The following P2RX7 variants were observed in gnomAD, a reference collection of about 807,000 sequenced individuals.
P2RX7 encodes the protein purinergic receptor P2X 7, also known as P2X purinoceptor 7.
A neutral mutation model predicts 71.6 loss-of-function variants in P2RX7; 62 were observed. That is an observed-to-expected ratio of 0.87 (90% CI 0.71 to 1.07). P2RX7 has a LOEUF of 1.07. P2RX7 is among the 50% of genes least tolerant of loss of function. The probability of loss-of-function intolerance (pLI) is 0.00; values close to 1 mark genes in which losing one functional copy is unlikely to be tolerated. For synonymous variants in P2RX7, 299 were observed against 283.3 expected (o/e 1.06, Z -0.56); for missense variants, 686 against 748.5 (o/e 0.92, Z 0.97).
At chr12:121,158,883 C>T (rs1879096364) in intron 3 of P2RX7, among the ~76,000 whole-genome samples, 1 of 152,092 alleles carries the variant, frequency 6.6e-6, no homozygotes, top group South Asian at 2.1e-4. Flanking sequence ...CTATCAAGAC[C>T]TACTATTTGC....
At chr12:121,175,954 G>A (rs1199973567) in intron 9 of P2RX7, among the ~76,000 whole-genome samples, 1 of 151,952 alleles carries the variant, frequency 6.6e-6, no homozygotes, top group Non-Finnish European at 1.5e-5. Context: ...CGTCCTCCTT[G>A]GTCTTGGCAG....
chr12:121,168,260 G>GTTTTCTTTTCTTTTCTTTTCTTTTC lies in P2RX7; in HGVS notation c.881+660_881+661insCTTTTCTTTTCTTTTCTTTTCTTTT, dbSNP rs372601410. Among the ~76,000 whole-genome samples, 55 of 147,444 alleles carry GTTTTCTTTTCTTTTCTTTTCTTTTC rather than the reference G, an allele frequency of 3.7e-4. 1 individual carries two copies. The highest frequency in any genetic ancestry group is 1.4e-3 in the African/African-American group (54 of 39,738). ...TAACAACTGCTACAATTCAGGCAGT[G>GTTTTCTTTTCTTTTCTTTTCTTTTC]TTTTCTTTTCTTTTCTTTTCTTTTT... On this transcript the variant is annotated intron_variant, in intron 8 of 12. Transcript: ENST00000328963.
intron 3 of P2RX7, among the ~76,000 whole-genome samples, chr12:121,160,111 CCTTT>C (rs911261663): frequency 2.9e-4 from 44 of 149,798 alleles, no homozygotes; most frequent in African/African-American, 8.3e-4. Context: ...CTTTTTTTTT[CCTTT>C]CTTTCTTTCT....
chr12:121,151,945 GGAGGCT>G (rs1028016318), intron 1 of P2RX7, among the ~76,000 whole-genome samples: 8 of 152,144 alleles, frequency 5.3e-5, no homozygotes, highest in African/African-American at 7.2e-5. Context: ...CACCTACTTG[GGAGGCT>G]GAGGCAGGAG....
intron 5 of P2RX7, 141 bp from the exon 6 acceptor site, chr12:121,165,216 C>T (rs762628120): frequency 1.6e-6 from 1 of 631,782 alleles, no homozygotes; most frequent in Non-Finnish European, 2.8e-6. Flanking sequence ...GAATGCTTTG[C>T]CCACTAGGTT....
intron 2 of P2RX7, chr12:121,155,389 A>G: frequency 7.7e-7 from 1 of 1,292,028 alleles, no homozygotes. Flanking sequence ...ATTTTTCCAC[A>G]AAGAAAGGAT....
rs1385420223 is a variant in P2RX7, at chr12:121,187,317, C to T, written c.*2515C>T. 1 of 152,138 alleles carries T rather than the reference C, an allele frequency of 6.6e-6. No homozygotes were observed. The highest frequency in any genetic ancestry group is 2.4e-5 in the African/African-American group (1 of 41,418). 9.4% of individuals were successfully genotyped at this position (152,138 alleles called of 1,614,324 possible). On this transcript the variant is annotated 3_prime_UTR_variant, in exon 13 of 13. Coordinates refer to ENST00000328963, the MANE Select transcript of P2RX7 (RefSeq NM_002562.6). ...GCATGAATAAAACCATTTTTTGATA[C>T]AGGGTTTTATTTGGCTTTAAACTCA...
Position 121,166,175 on chromosome 12 carries a change from T to G in P2RX7, c.732T>G (p.Asp244Glu). The G allele has an allele frequency of 6.2e-7, 1 of 1,613,490 alleles. No individual in the cohort carries two copies. The highest frequency in any genetic ancestry group is 8.5e-7 in the Non-Finnish European group (1 of 1,179,566). Reference sequence around the variant, plus strand: ...GAGAAACAGGCGATAATTTTTCAGATGTGGCAATTCAGGTTGGTGGTGCTT... The same window carrying G: ...GAGAAACAGGCGATAATTTTTCAGAGGTGGCAATTCAGGTTGGTGGTGCTT... ...IFRETGDNFS[D>E]VAIQGGIMGI... is the part of the protein sequence containing the mutation. Residue 244 changes from aspartate (D) to glutamate (E), a missense_variant, in exon 7 of 13, where the codon GAT becomes GAG. By Grantham distance (45) the Asp-to-Glu change is conservative. Transcript: ENST00000328963.
rs568007477 is a variant in P2RX7, at chr12:121,158,356, G to A, written c.363+2209G>A. On this transcript the variant is annotated intron_variant, in intron 3 of 12. Transcript: ENST00000328963. ...TGGCAGCTGGGGTTGGCATCCCTTG[G>A]AGCCTCAATTGGCACCCAGGGATAG... Among the ~76,000 whole-genome samples the A allele has an allele frequency of 2.3e-3, 356 of 152,176 alleles. 2 individuals are homozygous for A. The highest frequency in any genetic ancestry group is 8.0e-3 in the African/African-American group (331 of 41,510).
At position 121,151,334 on chromosome 12, in the gene P2RX7, G is replaced by A. The variant is rs564584777; in HGVS notation, c.126-3451G>A. 1.6e-3 allele frequency among the ~76,000 whole-genome samples: 241 copies of A among 150,340 alleles called. 1 individual carries two copies. In the Middle Eastern group the frequency reaches 0.024, roughly 15 times the overall value. ...GCCATCTCGGCTCACTGCAACCTCC[G>A]TCTCCAGGGTTCCTGCCTCAGCCTC... On this transcript the variant is annotated intron_variant, in intron 1 of 12. Coordinates refer to ENST00000328963, the MANE Select transcript of P2RX7 (RefSeq NM_002562.6).
chr12:121,155,949 A>G (rs1031480180), intron 2 of P2RX7, 130 bp from the exon 3 acceptor site: 10 of 793,838 alleles, frequency 1.3e-5, no homozygotes, highest in Non-Finnish European at 2.1e-5. Context: ...GCATATTCCA[A>G]GTTGCCCACA....
chr12:121,154,675 T>C lies in P2RX7; in HGVS notation c.126-110T>C. On this transcript the variant is annotated intron_variant, in intron 1 of 12. Transcript: ENST00000328963. This position sits in a 1 kb window ranked among gnomAD's most constrained non-coding sequence, Gnocchi z 4.2. The stretch of plus-strand genomic sequence containing the variant: ...GGAAAACAAGTCACACGGAAGCAAG[T>C]CACGCAGCAGAGCTAGGATTGGAAC... 1 of 767,210 alleles carries C rather than the reference T, an allele frequency of 1.3e-6. No homozygotes were observed. Among genetic ancestry groups the C allele is most frequent in the African/African-American group, 1.7e-5 (1 of 59,124 alleles). 47.5% of individuals were successfully genotyped at this position (767,210 alleles called of 1,614,324 possible). A position where few individuals can be genotyped will look rare whatever the true frequency, so the allele number is the denominator to read the frequency against.
chr12:121,155,509 T>C (rs975982377), intron 2 of P2RX7: 1 of 824,324 alleles, frequency 1.2e-6, no homozygotes, highest in Non-Finnish European at 1.7e-6. Context: ...GAAATTAAAG[T>C]AGGGTTGAGG....
chr12:121,161,798 A>G (rs1277335779), intron 4 of P2RX7, among the ~76,000 whole-genome samples: 3 of 150,830 alleles, frequency 2.0e-5, no homozygotes, highest in Non-Finnish European at 4.4e-5. Flanking sequence ...TTAAAAAAAA[A>G]AAAAAAGGCA....
At chr12:121,181,420 G>A (rs1884125497) in intron 12 of P2RX7, among the ~76,000 whole-genome samples, 1 of 152,176 alleles carries the variant, frequency 6.6e-6, no homozygotes, top group South Asian at 2.1e-4. Flanking sequence ...TGAGTCATAA[G>A]GCAGACATAT....
chr12:121,147,187 G>A (rs34480856), intron 1 of P2RX7, among the ~76,000 whole-genome samples: 7,403 of 152,316 alleles, frequency 0.049, 223 homozygotes, highest in South Asian at 0.079. Flanking sequence ...AGGCTGTGAA[G>A]CTACATGGCT....
In P2RX7 at chr12:121,160,969, G is replaced by A. The variant is rs769160925; in HGVS notation, c.431G>A (p.Ser144Asn). 1 of 1,613,040 alleles carries A rather than the reference G, an allele frequency of 6.2e-7. No individual in the cohort carries two copies. The highest frequency in any genetic ancestry group is 1.3e-5 in the African/African-American group (1 of 74,902). The change falls in exon 4 of 13, where the codon AGC becomes AAC. Residue 144 changes from serine (S) to asparagine (N), a missense_variant. By Grantham distance (46) the Ser-to-Asn change is conservative. Coordinates refer to ENST00000328963, the MANE Select transcript of P2RX7 (RefSeq NM_002562.6). ...GCKKGWMDPQ[S>N]KGIQTGRCVV... ...AAAAAGGGATGGATGGACCCGCAGA[G>A]CAAAGGTACCTTCTGTTTCTTTTCC...
rs1885015837 is a variant in P2RX7, at chr12:121,187,764, G to A, written c.*2962G>A. ...TGTAGAAAATAATGTCACCGCCAAA[G>A]GTGATGAGAGTCACGTTTTGTAGGA... On this transcript the variant is annotated 3_prime_UTR_variant, in exon 13 of 13. Transcript: ENST00000328963. 6.6e-6 allele frequency: 1 copy of A among 152,142 alleles called. No individual in the cohort carries two copies. Among genetic ancestry groups the A allele is most frequent in the South Asian group, 2.1e-4 (1 of 4,822 alleles). 9.4% of individuals were successfully genotyped at this position (152,142 alleles called of 1,614,324 possible).
chr12:121,159,906 T>A (rs1879306020), intron 3 of P2RX7, among the ~76,000 whole-genome samples: 1 of 152,152 alleles, frequency 6.6e-6, no homozygotes, highest in African/African-American at 2.4e-5. Context: ...CCAGCCAGCA[T>A]CCCTGAAAGT....
Sources: gnomAD v4.1 joint callset for allele counts (sites outside exome capture counted in the v4.1 genomes callset) on GRCh38, gnomAD v4.1.1 for gene constraint, Gnocchi (gnomAD v3.1) non-coding constraint, MANE v1.5 for transcripts, NCBI Gene and HGNC (gene_info 2026-07-23, HGNC 2026-07-21) for gene names.